OR52A5: variants seen among roughly 807,000 people sequenced by gnomAD.
OR52A5 encodes the protein olfactory receptor family 52 subfamily A member 5, also known as olfactory receptor 52A5.
OR52A5 carries 16 observed loss-of-function variants against 18.2 expected under a neutral mutation model. The ratio of observed to expected loss-of-function variants is 0.88; its 90% CI spans 0.60 to 1.34. The LOEUF is 1.34. Among genes scored for constraint, OR52A5 ranks in the 40% most tolerant of loss-of-function variants. The pLI, the probability that OR52A5 is intolerant of heterozygous loss-of-function variation, is 0.00. For synonymous variants in OR52A5, 140 were observed against 137.2 expected (o/e 1.02, Z -0.14); for missense variants, 418 against 383.0 (o/e 1.09, Z -0.76).
Position 5,129,705 on chromosome 11 carries a change from T to C in OR52A5, c.*1987A>G, listed in dbSNP as rs969610057. The C allele has an allele frequency of 1.3e-5, 2 of 152,010 alleles. No homozygotes were observed. The highest frequency in any genetic ancestry group is 4.8e-5 in the African/African-American group (2 of 41,378). 9.4% of individuals were successfully genotyped at this position (152,010 alleles called of 1,614,324 possible). The stretch of plus-strand genomic sequence containing the variant: ...TTTTTTATACCTTAAAAAAAGGTAA[T>C]ATGAACCCAGATCTTCAGCATGGAA... On this transcript the variant is annotated 3_prime_UTR_variant, in exon 2 of 2. Transcript: ENST00000307388.
intron 1 of OR52A5, among the ~76,000 whole-genome samples, chr11:5,137,571 A>G (rs897018098): frequency 3.3e-5 from 5 of 151,804 alleles, no homozygotes; most frequent in African/African-American, 1.2e-4. Context: ...TCCAGTGTCA[A>G]CGAGGTCTTC....
rs148137386 is a variant in OR52A5, at chr11:5,135,153, C to T, written c.-60-2451G>A. On this transcript the variant is annotated intron_variant, in intron 1 of 1. Coordinates refer to ENST00000307388, the MANE Select transcript of OR52A5 (RefSeq NM_001005160.3). ...CCTCCCAAAGTGCTGGGATTACAGG[C>T]GGGAGCCACCAAGCCTGGTCAAGAT... Among the ~76,000 whole-genome samples the T allele has an allele frequency of 3.7e-4, 56 of 152,216 alleles. No homozygotes were observed. The East Asian group carries it at 6.6e-3, about 18-fold the overall frequency.
At chr11:5,134,274 G>A (rs970337773) in intron 1 of OR52A5, among the ~76,000 whole-genome samples, 1 of 152,228 alleles carries the variant, frequency 6.6e-6, no homozygotes, top group South Asian at 2.1e-4. Flanking sequence ...AGATAGTAGT[G>A]GGGGGCCAAC....
At chr11:5,137,010 T>C (rs368640517) in intron 1 of OR52A5, among the ~76,000 whole-genome samples, 8 of 152,180 alleles carry the variant, frequency 5.3e-5, no homozygotes, top group East Asian at 1.9e-4. Flanking sequence ...AGAAAGGTAT[T>C]TGTGATAGTC....
rs1489944346 is a variant in OR52A5, at chr11:5,131,072, C to T, written c.*620G>A. On this transcript the variant is annotated 3_prime_UTR_variant, in exon 2 of 2. Coordinates refer to ENST00000307388, the MANE Select transcript of OR52A5 (RefSeq NM_001005160.3). ...TTAATTGACACAAAGAAAATGTTTACTCTGTTCATTATTCAATGTCATTTT... is the reference window on the plus strand; with the variant it reads ...TTAATTGACACAAAGAAAATGTTTATTCTGTTCATTATTCAATGTCATTTT... The T allele has an allele frequency of 6.6e-6, 1 of 152,090 alleles. No individual in the cohort carries two copies. The highest frequency in any genetic ancestry group is 1.5e-5 in the Non-Finnish European group (1 of 68,008). 9.4% of individuals were successfully genotyped at this position (152,090 alleles called of 1,614,324 possible).
chr11:5,137,551 C>T (rs543891458), intron 1 of OR52A5, among the ~76,000 whole-genome samples: 1 of 151,640 alleles, frequency 6.6e-6, no homozygotes, highest in African/African-American at 2.4e-5. Flanking sequence ...TGCCACATCG[C>T]AGGACAGCTT....
At position 5,131,504 on chromosome 11, in the gene OR52A5, A is replaced by G. The variant is rs1330384874; in HGVS notation, c.*188T>C. ...TTGATAAGTATTTCAGATAAAGTAA[A>G]TAAGACACAGATAAATGATTCCAAA... is the stretch of plus-strand genomic sequence containing the variant. On this transcript the variant is annotated 3_prime_UTR_variant, in exon 2 of 2. Transcript: ENST00000307388. The G allele has an allele frequency of 2.3e-6, 1 of 432,470 alleles. No homozygotes were observed. The highest frequency in any genetic ancestry group is 4.2e-6 in the Non-Finnish European group (1 of 240,526). The allele number at this position is 432,470 out of a possible 1,614,324, so 26.8% of individuals were successfully genotyped here. A position where few individuals can be genotyped will look rare whatever the true frequency, so the allele number is the denominator to read the frequency against.
At chr11:5,134,110 G>T (rs1011696787) in intron 1 of OR52A5, among the ~76,000 whole-genome samples, 4 of 152,036 alleles carry the variant, frequency 2.6e-5, no homozygotes, top group Non-Finnish European at 4.4e-5. Context: ...AAGCTCAAGG[G>T]CTTTTTATTG....
At position 5,130,944 on chromosome 11, in the gene OR52A5, T is replaced by A. The variant is rs1406485643; in HGVS notation, c.*748A>T. 6.6e-6 allele frequency: 1 copy of A among 152,162 alleles called. No individual in the cohort carries two copies. Among genetic ancestry groups the A allele is most frequent in the Admixed American group, 6.5e-5 (1 of 15,268 alleles). 9.4% of individuals were successfully genotyped at this position (152,162 alleles called of 1,614,324 possible). A position where few individuals can be genotyped will look rare whatever the true frequency, so the allele number is the denominator to read the frequency against. ...AATGATTATTTCAAGTCTTCACCTT[T>A]CTTTTACCCTGATAATATTGGAATA... On this transcript the variant is annotated 3_prime_UTR_variant, in exon 2 of 2. Transcript: ENST00000307388.
chr11:5,137,270 C>T (rs546904879), intron 1 of OR52A5, among the ~76,000 whole-genome samples: 8 of 152,316 alleles, frequency 5.3e-5, no homozygotes, highest in East Asian at 1.9e-4. Context: ...AAAGTCAACA[C>T]GCTAGAAACT....
In OR52A5 at chr11:5,133,138, G is replaced by C. The variant is rs368867750; in HGVS notation, c.-60-436C>G. ...TAATCCCAGGACTTTGGGAGGCCAA[G>C]GTGGGTGGATCACGAGGTCAGGAGA... is the stretch of plus-strand genomic sequence containing the variant. On this transcript the variant is annotated intron_variant, in intron 1 of 1. Coordinates refer to ENST00000307388, the MANE Select transcript of OR52A5 (RefSeq NM_001005160.3). 2.0e-3 allele frequency among the ~76,000 whole-genome samples: 297 copies of C among 152,152 alleles called. 2 individuals carry two copies. The highest frequency in any genetic ancestry group is 6.9e-3 in the African/African-American group (288 of 41,526).
In OR52A5 at chr11:5,131,608, T is replaced by A. The variant is rs1846337600; in HGVS notation, c.*84A>T. 6.8e-6 allele frequency: 5 copies of A among 731,042 alleles called. No individual in the cohort carries two copies. In the East Asian group the frequency reaches 1.3e-4, roughly 19 times the overall value. 45.3% of individuals were successfully genotyped at this position (731,042 alleles called of 1,614,324 possible). On this transcript the variant is annotated 3_prime_UTR_variant, in exon 2 of 2. Coordinates refer to ENST00000307388, the MANE Select transcript of OR52A5 (RefSeq NM_001005160.3). ...TTACAGGTATGTGTTGAGCTAGTAG[T>A]TTGAGAATATTGATCTGTGACTTTC...
chr11:5,131,942 T>A lies in OR52A5; in HGVS notation c.701A>T (p.Lys234Met). 1 of 1,613,900 alleles carries A rather than the reference T, an allele frequency of 6.2e-7. No homozygotes were observed. The highest frequency in any genetic ancestry group is 8.5e-7 in the Non-Finnish European group (1 of 1,179,982). Reference sequence around the variant, plus strand: ...ATTAAAGGCCTTGAATCGTGCCTCCTTCTGGGGCAGCTGAAAGACAGTGAT... The same window carrying A: ...ATTAAAGGCCTTGAATCGTGCCTCCATCTGGGGCAGCTGAAAGACAGTGAT... ...IFITVFQLPQ[K>M]EARFKAFNTC... Residue 234 changes from lysine (K) to methionine (M), a missense_variant, in exon 2 of 2, where the codon AAG becomes ATG. Coordinates refer to ENST00000307388, the MANE Select transcript of OR52A5 (RefSeq NM_001005160.3).
Position 5,132,308 on chromosome 11 carries a change from A to G in OR52A5, c.335T>C (p.Ile112Thr), listed in dbSNP as rs1448521871. 4 of 1,614,200 alleles carry G rather than the reference A, an allele frequency of 2.5e-6. No individual in the cohort carries two copies. Among genetic ancestry groups the G allele is most frequent in the African/African-American group, 1.3e-5 (1 of 75,056 alleles). The change falls in exon 2 of 2, where the codon ATT (isoleucine) becomes ACT (threonine). Residue 112 changes from isoleucine (I) to threonine (T), a missense_variant. By Grantham distance (89) the Ile-to-Thr change is moderately conservative. Coordinates refer to ENST00000307388, the MANE Select transcript of OR52A5 (RefSeq NM_001005160.3). Reference protein sequence around the residue: ...QMWLIHSFQAIESGILLAMAL... With the variant: ...QMWLIHSFQATESGILLAMAL... ...CATTGCCAGAAGGATACCCGATTCA[A>G]TTGCCTGGAATGAGTGAATAAGCCA...
At chr11:5,136,603 A>G (rs1036716218) in intron 1 of OR52A5, among the ~76,000 whole-genome samples, 2 of 152,204 alleles carry the variant, frequency 1.3e-5, no homozygotes, top group East Asian at 3.8e-4. Context: ...CCTTAATTAA[A>G]TAAAGATTGA....
At chr11:5,134,001 G>A (rs948953672) in intron 1 of OR52A5, among the ~76,000 whole-genome samples, 3 of 151,956 alleles carry the variant, frequency 2.0e-5, no homozygotes, top group East Asian at 1.9e-4. Context: ...CCCTTCACTG[G>A]TAACTCCAGC....
At chr11:5,137,732 GCTTGGCCTTGCATGCC>G (rs1258032755) in intron 1 of OR52A5, among the ~76,000 whole-genome samples, 33 of 152,216 alleles carry the variant, frequency 2.2e-4, no homozygotes, top group Non-Finnish European at 2.4e-4. Flanking sequence ...ACCTGCTATT[GCTTGGCCTTGCATGCC>G]CTTGAGCCAG....
Position 5,131,625 on chromosome 11 carries a change from G to A in OR52A5, c.*67C>T. On this transcript the variant is annotated 3_prime_UTR_variant, in exon 2 of 2. Coordinates refer to ENST00000307388, the MANE Select transcript of OR52A5 (RefSeq NM_001005160.3). ...GCTAGTAGTTTGAGAATATTGATCT[G>A]TGACTTTCATTATATTTAGGTTTTT... The A allele has an allele frequency of 2.3e-6, 2 of 863,170 alleles. No individual in the cohort carries two copies. Among genetic ancestry groups the A allele is most frequent in the South Asian group, 1.7e-5 (1 of 58,632 alleles). The allele number at this position is 863,170 out of a possible 1,614,324, so 53.5% of individuals were successfully genotyped here. A position where few individuals can be genotyped will look rare whatever the true frequency, so the allele number is the denominator to read the frequency against.
Position 5,131,546 on chromosome 11 carries a change from T to C in OR52A5, c.*146A>G. ...GATTCCAAATTTATCAAAATATAGA[T>C]TCAAAGCAAATACTAAAAAGTGAGA... On this transcript the variant is annotated 3_prime_UTR_variant, in exon 2 of 2. Coordinates refer to ENST00000307388, the MANE Select transcript of OR52A5 (RefSeq NM_001005160.3). 1.9e-6 allele frequency: 1 copy of C among 521,012 alleles called. No homozygotes were observed. Among genetic ancestry groups the C allele is most frequent in the Non-Finnish European group, 3.4e-6 (1 of 293,532 alleles). The allele number at this position is 521,012 out of a possible 1,614,324, so 32.3% of individuals were successfully genotyped here. A position where few individuals can be genotyped will look rare whatever the true frequency, so the allele number is the denominator to read the frequency against.
Sources: gnomAD v4.1 joint callset for allele counts (sites outside exome capture counted in the v4.1 genomes callset) on GRCh38, gnomAD v4.1.1 for gene constraint, MANE v1.5 for transcripts, NCBI Gene and HGNC (gene_info 2026-07-23, HGNC 2026-07-21) for gene names.